Variants in THRA observed in about 807,000 individuals in gnomAD.
The protein encoded by THRA is thyroid hormone receptor alpha, also known as EAR-7.
A neutral mutation model predicts 45.0 loss-of-function variants in THRA; 13 were observed. The observed-to-expected ratio is 0.29, with a 90% CI of 0.19 to 0.46. The LOEUF (loss-of-function observed/expected upper bound fraction) is 0.46, where lower values mean the gene tolerates loss of function less well. Among genes scored for constraint, THRA ranks in the 20% least tolerant of loss-of-function variants. THRA has a pLI of 1.00. For missense variants in THRA, 278 were observed against 556.1 expected (o/e 0.50, Z 5.03); for synonymous variants, 195 against 214.0 (o/e 0.91, Z 0.78).
At chr17:40,085,476 G>A (rs12950426) in intron 6 of THRA, among the ~76,000 whole-genome samples, 10,799 of 151,800 alleles carry the variant, frequency 0.071, 598 homozygotes, top group African/African-American at 0.15. Flanking sequence ...TGGGATTACA[G>A]GCACTGGCCA....
intron 1 of THRA, among the ~76,000 whole-genome samples, chr17:40,066,205 C>T (rs1378601635): frequency 6.6e-6 from 1 of 152,190 alleles, no homozygotes; most frequent in African/African-American, 2.4e-5. Context: ...GGAGGGGGAA[C>T]TCAGGCAGGA....
At position 40,092,890 on chromosome 17, in the gene THRA, G is replaced by T; in HGVS notation, c.*3434G>T. The T allele has an allele frequency of 7.5e-7, 1 of 1,337,214 alleles. No homozygotes were observed. The highest frequency in any genetic ancestry group is 1.5e-5 in the African/African-American group (1 of 67,686). The allele number at this position is 1,337,214 out of a possible 1,614,324, so 82.8% of individuals were successfully genotyped here. A position where few individuals can be genotyped will look rare whatever the true frequency, so the allele number is the denominator to read the frequency against. On this transcript the variant is annotated 3_prime_UTR_variant, in exon 9 of 9. Transcript: ENST00000450525. ...CAGAGTGGTTTAAATAGGGGAGGAG[G>T]GGAAGTTCGGTGATGGGGGAGGGAG...
intron 3 of THRA, 23 bp downstream of exon 3, chr17:40,076,961 C>T: frequency 1.2e-6 from 2 of 1,612,378 alleles, no homozygotes; most frequent in Non-Finnish European, 1.7e-6. Context: ...GTGCGTGCCC[C>T]TTCTCCACGT....
chr17:40,073,533 C>G (rs186307802), intron 1 of THRA, among the ~76,000 whole-genome samples: 3 of 152,240 alleles, frequency 2.0e-5, no homozygotes, highest in Admixed American at 1.3e-4. Flanking sequence ...CCATCCTGGT[C>G]GATAGCAGCT....
intron 2 of THRA, among the ~76,000 whole-genome samples, chr17:40,075,067 C>T (rs538367472): frequency 6.6e-6 from 1 of 152,398 alleles, no homozygotes; most frequent in East Asian, 1.9e-4. Context: ...AGGGCGGGCA[C>T]TGCGATGGGG....
chr17:40,086,799 C>T lies in THRA; in HGVS notation c.669C>T (p.Thr223=). 1 of 1,614,118 alleles carries T rather than the reference C, an allele frequency of 6.2e-7. No individual in the cohort carries two copies. The highest frequency in any genetic ancestry group is 8.5e-7 in the Non-Finnish European group (1 of 1,180,034). Residue 223 remains threonine, a synonymous_variant, in exon 7 of 9, where the codon ACC becomes ACT. Coordinates refer to ENST00000450525, the MANE Select transcript of THRA (RefSeq NM_199334.5). ...EAFSEFTKII[T]PAITRVVDFA... is the part of the protein sequence containing the mutation. ...TCAGCGAGTTTACCAAGATCATCAC[C>T]CCGGCCATCACCCGTGTGGTGGACT...
intron 1 of THRA, among the ~76,000 whole-genome samples, chr17:40,071,396 C>T (rs530494830): frequency 1.3e-5 from 2 of 152,296 alleles, no homozygotes; most frequent in Non-Finnish European, 2.9e-5. Flanking sequence ...GCGGGGCGCC[C>T]GTGGATGCCG....
chr17:40,070,396 G>A (rs1038076739), intron 1 of THRA, among the ~76,000 whole-genome samples: 3 of 152,194 alleles, frequency 2.0e-5, no homozygotes, highest in Non-Finnish European at 4.4e-5. Flanking sequence ...CAGGGGGTAT[G>A]GGAAAGGACA....
intron 1 of THRA, among the ~76,000 whole-genome samples, chr17:40,072,487 C>G (rs1458528950): frequency 6.6e-6 from 1 of 152,120 alleles, no homozygotes; most frequent in Non-Finnish European, 1.5e-5. Flanking sequence ...GCCAGGCGGG[C>G]AGGAGACAGG....
intron 5 of THRA, chr17:40,084,365 A>AC (rs1243900527): frequency 7.5e-6 from 4 of 535,024 alleles, no homozygotes; most frequent in Non-Finnish European, 1.3e-5. Context: ...AACCACCGTC[A>AC]CCATAATCCG....
At chr17:40,088,157 A>G in intron 7 of THRA, 85 bp from the exon 8 acceptor site, 2 of 1,502,038 alleles carry the variant, frequency 1.3e-6, no homozygotes, top group Non-Finnish European at 1.8e-6. Flanking sequence ...TGCGGGCCTC[A>G]CGGCTCCCGT....
chr17:40,077,388 G>A, intron 3 of THRA, 120 bp from the exon 4 acceptor site: 1 of 775,154 alleles, frequency 1.3e-6, no homozygotes, highest in East Asian at 2.5e-5. Context: ...ATTCTACCAG[G>A]GAGGCTGGGC....
intron 1 of THRA, among the ~76,000 whole-genome samples, chr17:40,073,538 G>C (rs1986849418): frequency 6.6e-6 from 1 of 152,164 alleles, no homozygotes; most frequent in South Asian, 2.1e-4. Flanking sequence ...CTGGTCGATA[G>C]CAGCTCAGCT....
rs1194645439 is a variant in THRA at position 40,083,990 on chromosome 17, G to T, written c.370+8G>T. 1 of 1,606,802 alleles carries T rather than the reference G, an allele frequency of 6.2e-7. No individual in the cohort carries two copies. The highest frequency in any genetic ancestry group is 8.5e-7 in the Non-Finnish European group (1 of 1,176,344). On this transcript the variant is annotated splice_region_variant and intron_variant, in intron 5 of 8. Coordinates refer to ENST00000450525, the MANE Select transcript of THRA (RefSeq NM_199334.5). ...TGGGCATGGCCATGGACTGTAAGGGGCCCAGGTGGAGGGAATAGAGCCAGG... is the reference window on the plus strand; with the variant it reads ...TGGGCATGGCCATGGACTGTAAGGGTCCCAGGTGGAGGGAATAGAGCCAGG...
At chr17:40,072,919 C>A (rs1011190018) in intron 1 of THRA, among the ~76,000 whole-genome samples, 2 of 152,208 alleles carry the variant, frequency 1.3e-5, no homozygotes, top group Non-Finnish European at 2.9e-5. Context: ...CCTGTCCAGC[C>A]CCCAGTGCCC....
Position 40,089,296 on chromosome 17 carries a change from A to T in THRA, c.1073A>T (p.His358Leu). ...AFEHYVNHRK[H>L]NIPHFWPKLL... ...GAGCACTACGTCAACCACCGCAAAC[A>T]CAACATTCCGCACTTCTGGCCCAAG... is the stretch of plus-strand genomic sequence containing the variant. Residue 358 changes from histidine to leucine, a missense_variant, in exon 9 of 9, where the codon CAC becomes CTC. Physicochemically the swap from His to Leu is moderately conservative, Grantham distance 99. Around this residue, in one of 6 missense-constraint regions of THRA, gnomAD observed 66 missense variants for 94.7 expected, o/e 0.70. Coordinates refer to ENST00000450525, the MANE Select transcript of THRA (RefSeq NM_199334.5). This position sits in a 1 kb window ranked among gnomAD's most constrained non-coding sequence, Gnocchi z 6.1. The T allele has an allele frequency of 6.2e-7, 1 of 1,614,006 alleles. No individual in the cohort carries two copies. The highest frequency in any genetic ancestry group is 8.5e-7 in the Non-Finnish European group (1 of 1,179,992).
chr17:40,085,276 C>T (rs768699047), intron 6 of THRA, among the ~76,000 whole-genome samples: 1 of 152,000 alleles, frequency 6.6e-6, no homozygotes, highest in Non-Finnish European at 1.5e-5. Flanking sequence ...GTGGGAGGAT[C>T]GCTTGAGCCC....
intron 1 of THRA, among the ~76,000 whole-genome samples, chr17:40,065,536 GCTACCCCCGAT>G (rs1986523324): frequency 6.6e-6 from 1 of 152,036 alleles, no homozygotes; most frequent in African/African-American, 2.4e-5. Context: ...TCACCCTGTT[GCTACCCCCGAT>G]CTACCCCTGT....
At chr17:40,065,053 T>TTC (rs1046776853) in intron 1 of THRA, among the ~76,000 whole-genome samples, 76 of 151,776 alleles carry the variant, frequency 5.0e-4, no homozygotes, top group African/African-American at 1.2e-3. Flanking sequence ...GCTGTTTTTT[T>TTC]TTTCTTTCTT....
Sources: allele counts gnomAD v4.1 joint callset (sites outside exome capture counted in the v4.1 genomes callset), GRCh38; gene constraint gnomAD v4.1.1; regional missense constraint gnomAD v4.1.1; non-coding constraint Gnocchi (gnomAD v3.1); transcripts MANE v1.5; gene names NCBI Gene and HGNC (gene_info 2026-07-23, HGNC 2026-07-21).